Variants in TSPAN9 observed in about 807,000 individuals in gnomAD.
The protein encoded by TSPAN9 is tetraspanin-9.
TSPAN9 carries 16 observed loss-of-function variants against 31.0 expected under a neutral mutation model. The observed-to-expected ratio is 0.52, with a 90% CI of 0.35 to 0.78. TSPAN9 has a LOEUF of 0.78. Ranked by LOEUF, TSPAN9 falls within the 30% of genes least tolerant of loss-of-function variation. TSPAN9 has a pLI of 0.01. For synonymous variants in TSPAN9, 145 were observed against 121.6 expected (o/e 1.19, Z -1.27); for missense variants, 272 against 312.5 (o/e 0.87, Z 0.98).
At chr12:3,161,468 G>C (rs73243085) in intron 2 of TSPAN9, among the ~76,000 whole-genome samples, 4,343 of 152,234 alleles carry the variant, frequency 0.029, 217 homozygotes, top group African/African-American at 0.099. Context: ...GGGTATGCAG[G>C]TGTCCCAGCA....
At chr12:3,197,633 C>T (rs2098367777) in intron 2 of TSPAN9, among the ~76,000 whole-genome samples, 1 of 151,990 alleles carries the variant, frequency 6.6e-6, no homozygotes, top group African/African-American at 2.4e-5. Context: ...GCCAGGGAGC[C>T]AGTGAGGCTG....
At chr12:3,122,721 T>C (rs2098325711) in intron 2 of TSPAN9, among the ~76,000 whole-genome samples, 1 of 152,214 alleles carries the variant, frequency 6.6e-6, no homozygotes, top group Non-Finnish European at 1.5e-5. Context: ...TTTTGGATGT[T>C]GCTCATGTTT....
At chr12:3,080,161 C>T (rs578032544) in intron 1 of TSPAN9, among the ~76,000 whole-genome samples, 4 of 152,328 alleles carry the variant, frequency 2.6e-5, no homozygotes, top group African/African-American at 9.6e-5. Context: ...TTTACCTCCT[C>T]TTTCCAACTC....
intron 2 of TSPAN9, among the ~76,000 whole-genome samples, chr12:3,159,496 G>T (rs1299769134): frequency 6.6e-6 from 1 of 152,196 alleles, no homozygotes; most frequent in Non-Finnish European, 1.5e-5. Context: ...AGGGAGAGAA[G>T]ATCTTTAAAG....
rs563976367 is a variant in TSPAN9, at chr12:3,189,843, T to C, written c.-17-11334T>C. Among the ~76,000 whole-genome samples the C allele has an allele frequency of 1.2e-4, 19 of 152,124 alleles. No homozygotes were observed. In the East Asian group the frequency reaches 3.3e-3, roughly 26 times the overall value. On this transcript the variant is annotated intron_variant, in intron 2 of 8. Transcript: ENST00000011898. ...GACAGCCAGTGCTCCTGTCTTACTT[T>C]ACAGAGCAGCCGATGGCAGTTCAGA...
chr12:3,188,390 G>C (rs1302970931), intron 2 of TSPAN9, among the ~76,000 whole-genome samples: 1 of 152,206 alleles, frequency 6.6e-6, no homozygotes, highest in Non-Finnish European at 1.5e-5. Flanking sequence ...GCAGGAAGCA[G>C]ACAGAGCGGC....
chr12:3,242,288 G>A (rs1017905067), intron 3 of TSPAN9, among the ~76,000 whole-genome samples: 1 of 152,254 alleles, frequency 6.6e-6, no homozygotes, highest in Non-Finnish European at 1.5e-5. Flanking sequence ...CAGCCTGGGA[G>A]TGGCTCTGCC....
chr12:3,094,645 C>T (rs150853171), intron 2 of TSPAN9, among the ~76,000 whole-genome samples: 5,774 of 150,836 alleles, frequency 0.038, 366 homozygotes, highest in African/African-American at 0.13. Flanking sequence ...AAGCGATTCT[C>T]CTGCCTCAGC....
Position 3,105,822 on chromosome 12 carries a change from G to A in TSPAN9, c.-18+22103G>A, listed in dbSNP as rs375503581. 1.2e-3 allele frequency among the ~76,000 whole-genome samples: 142 copies of A among 122,012 alleles called. 1 individual carries two copies. The highest frequency in any genetic ancestry group is 0.011 in the South Asian group (44 of 3,940). The allele number at this position is 122,012 out of a possible 152,430, so 80.0% of individuals were successfully genotyped here. Reference sequence around the variant, plus strand: ...CACACATGCGCACACACGCACACGCGCACACACACTTTCATACACACGCTC... The same window carrying A: ...CACACATGCGCACACACGCACACGCACACACACACTTTCATACACACGCTC... On this transcript the variant is annotated intron_variant, in intron 2 of 8. Transcript: ENST00000011898.
intron 2 of TSPAN9, among the ~76,000 whole-genome samples, chr12:3,099,516 CTGATTTTTCTGTTTA>C (rs1337617900): frequency 3.3e-5 from 5 of 152,138 alleles, no homozygotes. Context: ...GTTCTGTTGA[CTGATTTTTCTGTTTA>C]TGATTTTTCT....
At chr12:3,275,746 G>A (rs1366371669) in intron 3 of TSPAN9, among the ~76,000 whole-genome samples, 1 of 152,242 alleles carries the variant, frequency 6.6e-6, no homozygotes, top group Admixed American at 6.5e-5. Context: ...GTTCCATGTG[G>A]GGCTGCGCCA....
chr12:3,270,893 G>A (rs1862665759), intron 3 of TSPAN9, among the ~76,000 whole-genome samples: 1 of 152,260 alleles, frequency 6.6e-6, no homozygotes, highest in Admixed American at 6.5e-5. Context: ...GGGTTACAAA[G>A]TTGGCTGGAG....
chr12:3,114,502 A>C (rs977862174), intron 2 of TSPAN9, among the ~76,000 whole-genome samples: 1 of 152,050 alleles, frequency 6.6e-6, no homozygotes, highest in Non-Finnish European at 1.5e-5. Flanking sequence ...GAGGTGGTGA[A>C]TTTGTGGGGT....
intron 3 of TSPAN9, among the ~76,000 whole-genome samples, chr12:3,223,731 C>T (rs2098385746): frequency 6.6e-6 from 1 of 152,166 alleles, no homozygotes; most frequent in Admixed American, 6.5e-5. Flanking sequence ...GAGCGAGAGA[C>T]CGGGACTACA....
intron 2 of TSPAN9, among the ~76,000 whole-genome samples, chr12:3,169,262 G>GGGAA (rs1218855580): frequency 1.3e-5 from 2 of 152,308 alleles, no homozygotes; most frequent in East Asian, 3.9e-4. Flanking sequence ...TCAGGGCTGG[G>GGGAA]GGAAGGTTTG....
chr12:3,116,995 G>C (rs551098316), intron 2 of TSPAN9, among the ~76,000 whole-genome samples: 1 of 152,232 alleles, frequency 6.6e-6, no homozygotes, highest in Non-Finnish European at 1.5e-5. Context: ...CACAAACTGA[G>C]TGTCAGAAGA....
chr12:3,216,299 G>C (rs2098381350), intron 3 of TSPAN9, among the ~76,000 whole-genome samples: 1 of 152,188 alleles, frequency 6.6e-6, no homozygotes, highest in African/African-American at 2.4e-5. Flanking sequence ...CTTTTGCTGG[G>C]ACCTTCCAGA....
At chr12:3,232,019 G>A (rs566458134) in intron 3 of TSPAN9, among the ~76,000 whole-genome samples, 12 of 152,328 alleles carry the variant, frequency 7.9e-5, no homozygotes, top group South Asian at 2.1e-4. Context: ...AGAGTCTGTA[G>A]GGCCTTCACC....
In TSPAN9 at chr12:3,279,048, C is replaced by T; in HGVS notation, c.312C>T (p.Phe104=). ...CAGAGCTGATCTTACTCATCCTCTTCTTTGTCTACATGGACAAGGTAAGCC... is the reference window on the plus strand; with the variant it reads ...CAGAGCTGATCTTACTCATCCTCTTTTTTGTCTACATGGACAAGGTAAGCC... ...LLAELILLIL[F]FVYMDKVNEN... The change falls in exon 5 of 9, where the codon TTC becomes TTT. Residue 104 remains phenylalanine (F), a synonymous_variant. Coordinates refer to ENST00000011898, the MANE Select transcript of TSPAN9 (RefSeq NM_006675.5). 1.2e-6 allele frequency: 2 copies of T among 1,614,182 alleles called. No individual in the cohort carries two copies. Among genetic ancestry groups the T allele is most frequent in the Non-Finnish European group, 1.7e-6 (2 of 1,180,018 alleles).
Sources: gnomAD v4.1 joint callset for allele counts (sites outside exome capture counted in the v4.1 genomes callset) on GRCh38, gnomAD v4.1.1 for gene constraint, MANE v1.5 for transcripts, NCBI Gene and HGNC (gene_info 2026-07-23, HGNC 2026-07-21) for gene names.